Variants in RXRG observed in about 807,000 individuals in gnomAD.
The protein encoded by RXRG is retinoid X receptor gamma.
RXRG carries 19 observed loss-of-function variants against 49.2 expected under a neutral mutation model. The observed-to-expected ratio is 0.39, with a 90% confidence interval of 0.27 to 0.57. The LOEUF (loss-of-function observed/expected upper bound fraction) is 0.57, where lower values mean the gene tolerates loss of function less well. RXRG is among the 20% of genes least tolerant of loss of function. RXRG has a pLI of 0.64. For synonymous variants in RXRG, 224 were observed against 216.6 expected (o/e 1.03, Z -0.30); for missense variants, 452 against 592.5 (o/e 0.76, Z 2.46).
At chr1:165,414,537 C>T (rs1658067236) in intron 4 of RXRG, among the ~76,000 whole-genome samples, 1 of 152,104 alleles carries the variant, frequency 6.6e-6, no homozygotes, top group Admixed American at 6.6e-5. Context: ...TCCTTTAATT[C>T]AATATCATGT....
chr1:165,403,962 G>A (rs1016153276), intron 9 of RXRG, among the ~76,000 whole-genome samples: 2 of 152,246 alleles, frequency 1.3e-5, no homozygotes, highest in Non-Finnish European at 2.9e-5. Flanking sequence ...CCTGCTGTGT[G>A]TGCAAGAGAG....
chr1:165,429,837 A>AC (rs1658616672), intron 1 of RXRG, among the ~76,000 whole-genome samples: 1 of 152,032 alleles, frequency 6.6e-6, no homozygotes, highest in African/African-American at 2.4e-5. Context: ...AATAAATTGA[A>AC]CCCACATTCC....
intron 1 of RXRG, among the ~76,000 whole-genome samples, chr1:165,442,859 C>G (rs1217848443): frequency 6.6e-6 from 1 of 152,196 alleles, no homozygotes; most frequent in Admixed American, 6.5e-5. Context: ...TGCCTAAGGT[C>G]ACACAGCTAC....
chr1:165,409,695 A>C lies in RXRG; in HGVS notation c.914-5T>G. 6.7e-7 allele frequency: 1 copy of C among 1,499,464 alleles called. No individual in the cohort carries two copies. 92.9% of individuals were successfully genotyped at this position (1,499,464 alleles called of 1,614,324 possible). On this transcript the variant is annotated splice_region_variant and splice_polypyrimidine_tract_variant and intron_variant, in intron 6 of 9. Coordinates refer to ENST00000359842, the MANE Select transcript of RXRG (RefSeq NM_006917.5). ...CAATCAGCAATTCATTCCACCCTGC[A>C]AGGATAAGGAGGAGGTCTTGAGGGA...
intron 9 of RXRG, among the ~76,000 whole-genome samples, 154 bp downstream of exon 9, chr1:165,406,658 A>C (rs283697): frequency 0.82 from 125,330 of 152,232 alleles, 51,790 homozygotes; most frequent in East Asian, 0.93. Context: ...CCGCTAGCCC[A>C]ATGGAATTAA....
In RXRG at chr1:165,415,699, T is replaced by C. The variant is rs539514828; in HGVS notation, c.622+1342A>G. ...TTGTTCTGAGCAACTGGAAAATAAGTGGCCATTTCCTGAAAGGGGAAGACT... is the reference window on the plus strand; with the variant it reads ...TTGTTCTGAGCAACTGGAAAATAAGCGGCCATTTCCTGAAAGGGGAAGACT... On this transcript the variant is annotated intron_variant, in intron 4 of 9. Transcript: ENST00000359842. Among the ~76,000 whole-genome samples, 15 of 152,216 alleles carry C rather than the reference T, an allele frequency of 9.9e-5. No homozygotes were observed. In the East Asian group the frequency reaches 2.9e-3, roughly 29 times the overall value.
At chr1:165,403,183 G>A (rs1657641747) in intron 9 of RXRG, among the ~76,000 whole-genome samples, 1 of 152,196 alleles carries the variant, frequency 6.6e-6, no homozygotes. Context: ...TTCTCTCTGT[G>A]ACATTTTTCA....
Position 165,444,829 on chromosome 1 carries a change from CA to C in RXRG, c.49+15del. On this transcript the variant is annotated intron_variant, in intron 1 of 9. Coordinates refer to ENST00000359842, the MANE Select transcript of RXRG (RefSeq NM_006917.5). ...TCATACAGGTCCACGCAGTGAAGCC[CA>C]AGGGAGATACTTACCTCCATAGCCT... is the stretch of plus-strand genomic sequence containing the variant. 3 of 1,612,920 alleles carry C rather than the reference CA, an allele frequency of 1.9e-6. No individual in the cohort carries two copies. Among genetic ancestry groups the C allele is most frequent in the Admixed American group, 3.3e-5 (2 of 60,022 alleles).
chr1:165,413,930 G>A (rs1387194881), intron 4 of RXRG, among the ~76,000 whole-genome samples: 2 of 152,196 alleles, frequency 1.3e-5, no homozygotes, highest in Non-Finnish European at 2.9e-5. Flanking sequence ...GGTAAATTCT[G>A]TACCTACCCC....
chr1:165,440,322 C>A (rs578243351), intron 1 of RXRG, among the ~76,000 whole-genome samples: 1 of 152,284 alleles, frequency 6.6e-6, no homozygotes, highest in East Asian at 1.9e-4. Flanking sequence ...AACTACCGAC[C>A]TTAAAGTGGT....
chr1:165,437,786 C>A lies in RXRG; in HGVS notation c.49+7059G>T, dbSNP rs146598739. ...GAATTGGCTTAAAGGGACAGCCAGC[C>A]GGTCCTCGTTAGCAGGATCCCCTGG... is the stretch of plus-strand genomic sequence containing the variant. On this transcript the variant is annotated intron_variant, in intron 1 of 9. Transcript: ENST00000359842. Among the ~76,000 whole-genome samples the A allele has an allele frequency of 1.8e-3, 281 of 152,290 alleles. 4 individuals carry two copies. Among genetic ancestry groups the A allele is most frequent in the Admixed American group, 0.014 (214 of 15,298 alleles).
intron 2 of RXRG, among the ~76,000 whole-genome samples, chr1:165,421,001 T>C (rs1416084153): frequency 6.6e-6 from 1 of 152,232 alleles, no homozygotes; most frequent in African/African-American, 2.4e-5. Context: ...TTGAATCATA[T>C]TGCCTAACCA....
At chr1:165,428,670 G>T in intron 2 of RXRG, 49 bp downstream of exon 2, 1 of 1,541,882 alleles carries the variant, frequency 6.5e-7, no homozygotes, top group East Asian at 2.3e-5. Context: ...CAGCCTGGGT[G>T]AAACCATGTA....
chr1:165,403,025 G>GCA (rs1353993507), intron 9 of RXRG, among the ~76,000 whole-genome samples: 1 of 151,650 alleles, frequency 6.6e-6, no homozygotes, highest in Non-Finnish European at 1.5e-5. Flanking sequence ...CTTACAACAT[G>GCA]CACACACACA....
At chr1:165,414,480 T>G (rs1658065167) in intron 4 of RXRG, among the ~76,000 whole-genome samples, 2 of 152,208 alleles carry the variant, frequency 1.3e-5, no homozygotes, top group South Asian at 4.1e-4. Flanking sequence ...TTAGAATAAC[T>G]CTAGAGAAAT....
chr1:165,401,797 A>G (rs1359590787), intron 9 of RXRG, among the ~76,000 whole-genome samples: 3 of 152,238 alleles, frequency 2.0e-5, no homozygotes, highest in Admixed American at 6.5e-5. Flanking sequence ...TGAGGCACTT[A>G]GAGCCAAGCG....
Position 165,419,971 on chromosome 1 carries a change from G to A in RXRG, c.341C>T (p.Pro114Leu). The change falls in exon 3 of 10, where the codon CCC (proline) becomes CTC (leucine). Residue 114 changes from proline to leucine, a missense_variant. Physicochemically the swap from Pro to Leu is moderately conservative, Grantham distance 98 (BLOSUM62 -3). Around this residue, in one of 2 missense-constraint regions of RXRG, gnomAD observed 166 missense variants for 151.7 expected, o/e 1.09. Coordinates refer to ENST00000359842, the MANE Select transcript of RXRG (RefSeq NM_006917.5). Reference sequence around the variant, plus strand: ...TCCAATCCCGGGAAGCCCTGGTAAGGGCTTGATGTCCTCTGAACTGCTGAC... The same window carrying A: ...TCCAATCCCGGGAAGCCCTGGTAAGAGCTTGATGTCCTCTGAACTGCTGAC... ...NSVSSSEDIK[P>L]LPGLPGIGNM... 1 of 1,613,084 alleles carries A rather than the reference G, an allele frequency of 6.2e-7. No individual in the cohort carries two copies. Among genetic ancestry groups the A allele is most frequent in the Non-Finnish European group, 8.5e-7 (1 of 1,179,528 alleles).
At chr1:165,409,712 C>A in intron 6 of RXRG, 22 bp from the exon 7 acceptor site, 16 of 1,460,834 alleles carry the variant, frequency 1.1e-5, no homozygotes, top group Non-Finnish European at 1.5e-5. Context: ...AGGAGGAGGT[C>A]TTGAGGGAAA....
At chr1:165,410,882 AC>A (rs753328586) in intron 5 of RXRG, 51 bp from the exon 6 acceptor site, 1 of 1,613,340 alleles carries the variant, frequency 6.2e-7, no homozygotes, top group Non-Finnish European at 8.5e-7. Flanking sequence ...ACTCAAATAC[AC>A]CCCTTTCTCC....
Sources: allele counts gnomAD v4.1 joint callset (sites outside exome capture counted in the v4.1 genomes callset), GRCh38; gene constraint gnomAD v4.1.1; regional missense constraint gnomAD v4.1.1; transcripts MANE v1.5; gene names NCBI Gene and HGNC (gene_info 2026-07-23, HGNC 2026-07-21).